The following NFIB variants were observed in gnomAD, a reference collection of about 807,000 sequenced individuals.
NFIB encodes the protein nuclear factor I B, also known as nuclear factor 1 B-type.
Under a neutral mutation model 61.5 loss-of-function variants are expected in NFIB, and 11 were observed. That is an observed-to-expected ratio of 0.18 (90% CI 0.11 to 0.30). The LOEUF (loss-of-function observed/expected upper bound fraction) is 0.30. Ranked by LOEUF, NFIB falls within the 10% of genes least tolerant of loss-of-function variation. NFIB has a pLI of 1.00. For synonymous variants in NFIB, 260 were observed against 216.5 expected (o/e 1.20, Z -1.76); for missense variants, 471 against 608.9 (o/e 0.77, Z 2.38).
At chr9:14,249,970 A>G (rs1019080688) in intron 2 of NFIB, among the ~76,000 whole-genome samples, 1 of 152,188 alleles carries the variant, frequency 6.6e-6, no homozygotes, top group Non-Finnish European at 1.5e-5. Flanking sequence ...AACCCCACAC[A>G]GTAGGAACAA....
intron 1 of NFIB, among the ~76,000 whole-genome samples, chr9:14,335,118 CA>C (rs1185849435): frequency 6.6e-6 from 1 of 152,130 alleles, no homozygotes; most frequent in East Asian, 1.9e-4. Flanking sequence ...TTGGCTATTA[CA>C]AATAAAGCTG....
chr9:14,465,300 G>A, the NFIB span, among the ~76,000 whole-genome samples: 2 of 152,132 alleles, frequency 1.3e-5, no homozygotes, highest in African/African-American at 4.8e-5. Flanking sequence ...ACTGGGAAAC[G>A]TGATGGAAGC....
At chr9:14,187,002 C>A (rs1392859031) in intron 2 of NFIB, among the ~76,000 whole-genome samples, 1 of 142,900 alleles carries the variant, frequency 7.0e-6, no homozygotes, top group Non-Finnish European at 1.5e-5. Flanking sequence ...TCATTCTTCG[C>A]TCCTGTGTGT....
intron 2 of NFIB, among the ~76,000 whole-genome samples, chr9:14,283,644 A>G (rs568514117): frequency 1.3e-5 from 2 of 152,304 alleles, no homozygotes; most frequent in East Asian, 3.9e-4. Flanking sequence ...GCTCTTTTTA[A>G]AGGAAATGAA....
the NFIB span, among the ~76,000 whole-genome samples, chr9:14,409,252 T>G: frequency 6.6e-6 from 1 of 152,174 alleles, no homozygotes; most frequent in African/African-American, 2.4e-5. Flanking sequence ...AATTATAAGC[T>G]TATATAATTT....
chr9:14,338,716 T>C (rs750563616), intron 1 of NFIB, among the ~76,000 whole-genome samples: 3 of 151,518 alleles, frequency 2.0e-5, no homozygotes, highest in Non-Finnish European at 4.4e-5. Context: ...TCTCTTCTTT[T>C]CTTCTTTTCT....
chr9:14,311,740 G>A (rs2060289111), intron 1 of NFIB, among the ~76,000 whole-genome samples: 1 of 152,140 alleles, frequency 6.6e-6, no homozygotes, highest in Non-Finnish European at 1.5e-5. Context: ...CAATGTTTCT[G>A]AAAAGCTGAT....
At chr9:14,248,231 C>T (rs960313726) in intron 2 of NFIB, among the ~76,000 whole-genome samples, 4 of 151,572 alleles carry the variant, frequency 2.6e-5, no homozygotes, top group Non-Finnish European at 5.9e-5. Context: ...TTCCTTCCAT[C>T]CTAGCAATCC....
rs2032782595 is a variant in NFIB at position 14,085,789 on chromosome 9, A to C, written c.*2520T>G. 4.5e-6 allele frequency: 1 copy of C among 220,832 alleles called. No homozygotes were observed. The highest frequency in any genetic ancestry group is 2.2e-5 in the African/African-American group (1 of 44,678). 13.7% of individuals were successfully genotyped at this position (220,832 alleles called of 1,614,324 possible). ...ATTAATGAAATGAAATGGGGACGAAAAGTGGCAGAAAAGGAATACGGGAGA... is the reference window on the plus strand; with the variant it reads ...ATTAATGAAATGAAATGGGGACGAACAGTGGCAGAAAAGGAATACGGGAGA... On this transcript the variant is annotated 3_prime_UTR_variant, in exon 11 of 11. Transcript: ENST00000380953.
chr9:14,198,128 AT>A, intron 2 of NFIB, among the ~76,000 whole-genome samples: 1 of 152,234 alleles, frequency 6.6e-6, no homozygotes, highest in Admixed American at 6.5e-5. Context: ...CTCAAATGGA[AT>A]TTTTTCAAAG....
rs2060075879 is a variant in NFIB, at chr9:14,307,491, A to T, written c.60T>A (p.Leu20=). ...QDEFHPFIEA[L]LPHVRAIAYT... is the part of the protein sequence containing the mutation. ...AGGCAATTGCACGGACATGTGGAAG[A>T]AGTGCCTCGATGAATGGGTGAAATT... The change falls in exon 2 of 11, where the codon CTT becomes CTA. Residue 20 remains leucine (L), a synonymous_variant. Transcript: ENST00000380953. The surrounding 1 kb of genome is among the most constrained non-coding windows in gnomAD (Gnocchi z 5.3). The T allele has an allele frequency of 6.2e-7, 1 of 1,608,630 alleles. No homozygotes were observed. The highest frequency in any genetic ancestry group is 2.2e-5 in the East Asian group (1 of 44,758).
intron 3 of NFIB, among the ~76,000 whole-genome samples, chr9:14,179,351 T>C (rs562328429): frequency 5.3e-5 from 8 of 151,438 alleles, no homozygotes; most frequent in Non-Finnish European, 7.4e-5. Context: ...GTAATGAGAG[T>C]TGATAAACTA....
the NFIB span, among the ~76,000 whole-genome samples, chr9:14,527,257 T>A: frequency 6.6e-6 from 1 of 152,206 alleles, no homozygotes; most frequent in African/African-American, 2.4e-5. Context: ...TACTATTATT[T>A]ACAGATGTTA....
chr9:14,262,974 A>T (rs985373993), intron 2 of NFIB, among the ~76,000 whole-genome samples: 1 of 152,164 alleles, frequency 6.6e-6, no homozygotes, highest in African/African-American at 2.4e-5. Context: ...CATCTGTTTA[A>T]ACTGTTTCTA....
chr9:14,201,887 A>G (rs1435017416), intron 2 of NFIB, among the ~76,000 whole-genome samples: 9 of 147,432 alleles, frequency 6.1e-5, no homozygotes, highest in Non-Finnish European at 1.2e-4. Flanking sequence ...GATGATATTT[A>G]TCCATTCGTT....
intron 2 of NFIB, among the ~76,000 whole-genome samples, chr9:14,241,364 A>G (rs2054327218): frequency 6.6e-6 from 1 of 152,232 alleles, no homozygotes; most frequent in African/African-American, 2.4e-5. Context: ...ACAGCAGTTC[A>G]TAATACATAA....
At chr9:14,293,945 T>C (rs2059261311) in intron 2 of NFIB, among the ~76,000 whole-genome samples, 1 of 152,240 alleles carries the variant, frequency 6.6e-6, no homozygotes, top group Admixed American at 6.5e-5. Flanking sequence ...ATTTTATCAG[T>C]ACTTGGCATT....
the NFIB span, among the ~76,000 whole-genome samples, chr9:14,498,829 C>CCCTTCCTTCCTTCCTT: frequency 1.3e-5 from 1 of 78,080 alleles, no homozygotes. Context: ...CTCCCTTCCT[C>CCCTTCCTTCCTTCCTT]CCTTCCTTCC....
upstream of NFIB, among the ~76,000 whole-genome samples, chr9:14,400,053 G>A (rs757206686): frequency 6.6e-6 from 1 of 151,614 alleles, no homozygotes. Flanking sequence ...TTCTTCACTA[G>A]TAAGTCCTGG....
Sources: allele counts gnomAD v4.1 joint callset (sites outside exome capture counted in the v4.1 genomes callset), GRCh38; gene constraint gnomAD v4.1.1; non-coding constraint Gnocchi (gnomAD v3.1); transcripts MANE v1.5; gene names NCBI Gene and HGNC (gene_info 2026-07-23, HGNC 2026-07-21).